Variants in MPZL1 observed in about 807,000 individuals in gnomAD.
MPZL1 encodes myelin protein zero-like protein 1.
MPZL1 carries 16 observed loss-of-function variants against 29.3 expected under a neutral mutation model. The ratio of observed to expected loss-of-function variants is 0.55; its 90% CI spans 0.37 to 0.83. The LOEUF (loss-of-function observed/expected upper bound fraction) is 0.83, where lower values mean the gene tolerates loss of function less well. MPZL1 is among the 40% of genes least tolerant of loss of function. The probability of loss-of-function intolerance (pLI) is 0.00; values close to 1 mark genes in which losing one functional copy is unlikely to be tolerated. For synonymous variants in MPZL1, 143 were observed against 132.0 expected (o/e 1.08, Z -0.57); for missense variants, 279 against 332.9 (o/e 0.84, Z 1.26).
At position 167,735,935 on chromosome 1, in the gene MPZL1, G is replaced by A. The variant is rs151043480; in HGVS notation, c.91+13693G>A. ...ATTGTAAACAATTCTATTCTTTGTTGTCTCTATTTTAGCACTTTCTCTTTA... is the reference window on the plus strand; with the variant it reads ...ATTGTAAACAATTCTATTCTTTGTTATCTCTATTTTAGCACTTTCTCTTTA... On this transcript the variant is annotated intron_variant, in intron 1 of 5. Coordinates refer to ENST00000359523, the MANE Select transcript of MPZL1 (RefSeq NM_003953.6). 1.3e-3 allele frequency among the ~76,000 whole-genome samples: 197 copies of A among 152,248 alleles called. 1 individual carries two copies. Among genetic ancestry groups the A allele is most frequent in the Middle Eastern group, 3.4e-3 (1 of 294 alleles).
At position 167,773,315 on chromosome 1, in the gene MPZL1, C is replaced by T; in HGVS notation, c.552C>T (p.Ser184=). ...AVVLGLTLLI[S]MILAVLYRRK... The stretch of plus-strand genomic sequence containing the variant: ...TCCTAGGTCTCACTCTGCTCATCAG[C>T]ATGATTCTGGCTGTCCTCTATAGAA... Residue 184 remains serine (S), a synonymous_variant, in exon 4 of 6, where the codon AGC becomes AGT. Transcript: ENST00000359523. The T allele has an allele frequency of 6.2e-7, 1 of 1,613,946 alleles. No individual in the cohort carries two copies. Among genetic ancestry groups the T allele is most frequent in the Non-Finnish European group, 8.5e-7 (1 of 1,179,828 alleles).
intron 1 of MPZL1, among the ~76,000 whole-genome samples, chr1:167,729,205 G>A (rs751545423): frequency 5.9e-5 from 9 of 151,938 alleles, no homozygotes; most frequent in Non-Finnish European, 1.0e-4. Flanking sequence ...GGGAGGCAGA[G>A]GTTGCAGTGA....
chr1:167,773,656 C>A (rs1434227235), intron 4 of MPZL1: 3 of 235,624 alleles, frequency 1.3e-5, no homozygotes, highest in Non-Finnish European at 2.4e-5. Context: ...ATCCACTATG[C>A]AATTAGTATT....
intron 1 of MPZL1, among the ~76,000 whole-genome samples, chr1:167,738,525 C>G (rs1660430220): frequency 6.6e-6 from 1 of 152,146 alleles, no homozygotes; most frequent in African/African-American, 2.4e-5. Flanking sequence ...TGTGTCCCCA[C>G]CCAAATATCA....
chr1:167,751,291 G>T (rs183646985), intron 1 of MPZL1, among the ~76,000 whole-genome samples: 2 of 152,276 alleles, frequency 1.3e-5, no homozygotes, highest in Admixed American at 1.3e-4. Flanking sequence ...CATCAAAATG[G>T]TTGTGATGTT....
chr1:167,735,110 G>T (rs1289693580), intron 1 of MPZL1, among the ~76,000 whole-genome samples: 1 of 152,202 alleles, frequency 6.6e-6, no homozygotes, highest in East Asian at 1.9e-4. Flanking sequence ...TAGTGCTCAA[G>T]CTGGGAATTT....
chr1:167,731,667 T>C (rs1660274420), intron 1 of MPZL1, among the ~76,000 whole-genome samples: 1 of 151,886 alleles, frequency 6.6e-6, no homozygotes, highest in African/African-American at 2.4e-5. Context: ...CTCGATTTCC[T>C]GACCTCGTGA....
intron 1 of MPZL1, among the ~76,000 whole-genome samples, chr1:167,758,122 C>G (rs1166080157): frequency 6.6e-6 from 1 of 151,448 alleles, no homozygotes; most frequent in Non-Finnish European, 1.5e-5. Context: ...CCACTGCACT[C>G]CAGCCTGGGC....
intron 2 of MPZL1, among the ~76,000 whole-genome samples, chr1:167,766,050 C>T (rs1402491883): frequency 6.6e-6 from 1 of 151,888 alleles, no homozygotes; most frequent in Non-Finnish European, 1.5e-5. Context: ...TTTTATTGCC[C>T]CATATTTATT....
intron 5 of MPZL1, among the ~76,000 whole-genome samples, chr1:167,779,708 C>A (rs1349937020): frequency 6.6e-6 from 1 of 151,996 alleles, no homozygotes; most frequent in Non-Finnish European, 1.5e-5. Context: ...TGGAAGAATA[C>A]TGTTGTAAGG....
chr1:167,780,464 TC>T (rs1661474305), intron 5 of MPZL1, among the ~76,000 whole-genome samples: 1 of 152,168 alleles, frequency 6.6e-6, no homozygotes, highest in Non-Finnish European at 1.5e-5. Flanking sequence ...GCAGTATTAT[TC>T]ACAAGAGCCA....
chr1:167,749,100 T>G (rs1266951250), intron 1 of MPZL1, among the ~76,000 whole-genome samples: 2 of 152,222 alleles, frequency 1.3e-5, no homozygotes, highest in Admixed American at 1.3e-4. Flanking sequence ...AGCCCTGGAA[T>G]AAATCCCAGT....
chr1:167,765,614 T>A lies in MPZL1; in HGVS notation c.123T>A (p.Tyr41Ter). ...CTGGAGTATCAGCCTTGGAAGTATATACGCCAAAAGAAATCTTCGTGGCAA... is the reference window on the plus strand; with the variant it reads ...CTGGAGTATCAGCCTTGGAAGTATAAACGCCAAAAGAAATCTTCGTGGCAA... ...LTAGVSALEV[Y>*]TPKEIFVANG... The change falls in exon 2 of 6, where the codon TAT becomes TAA. Residue 41 changes from tyrosine to a stop codon, truncating the protein, a stop_gained. Transcript: ENST00000359523. LOFTEE classifies it high-confidence loss of function. 1 of 1,613,180 alleles carries A rather than the reference T, an allele frequency of 6.2e-7. No homozygotes were observed. Among genetic ancestry groups the A allele is most frequent in the Non-Finnish European group, 8.5e-7 (1 of 1,179,558 alleles).
Position 167,722,053 on chromosome 1 carries a change from C to T in MPZL1, c.-99C>T. The T allele has an allele frequency of 1.6e-6, 2 of 1,226,874 alleles. No homozygotes were observed. Among genetic ancestry groups the T allele is most frequent in the Non-Finnish European group, 1.0e-6 (1 of 984,094 alleles). 76.0% of individuals were successfully genotyped at this position (1,226,874 alleles called of 1,614,324 possible). Reference sequence around the variant, plus strand: ...TGGAGGTGCCACCCGGCGCGGGTGGCGGAGAGATCAGAAGCCTCTTCCCCA... The same window carrying T: ...TGGAGGTGCCACCCGGCGCGGGTGGTGGAGAGATCAGAAGCCTCTTCCCCA... On this transcript the variant is annotated 5_prime_UTR_variant, in exon 1 of 6. Coordinates refer to ENST00000359523, the MANE Select transcript of MPZL1 (RefSeq NM_003953.6).
chr1:167,744,724 C>T (rs1660609419), intron 1 of MPZL1, among the ~76,000 whole-genome samples: 1 of 151,226 alleles, frequency 6.6e-6, no homozygotes, highest in African/African-American at 2.4e-5. Flanking sequence ...GCAGTTTGCC[C>T]ATTTTCTCCT....
At chr1:167,757,765 T>C (rs768726162) in intron 1 of MPZL1, among the ~76,000 whole-genome samples, 8 of 152,230 alleles carry the variant, frequency 5.3e-5, no homozygotes, top group Non-Finnish European at 1.2e-4. Context: ...AGCAGGAGTT[T>C]ATAGTGGTAA....
intron 1 of MPZL1, among the ~76,000 whole-genome samples, chr1:167,739,281 A>G (rs1456610285): frequency 1.2e-5 from 1 of 81,708 alleles, no homozygotes; most frequent in African/African-American, 9.0e-5. Context: ...ATACATATAT[A>G]CATATATATA....
At chr1:167,733,304 CA>C (rs1660306495) in intron 1 of MPZL1, among the ~76,000 whole-genome samples, 1 of 152,190 alleles carries the variant, frequency 6.6e-6, no homozygotes, top group African/African-American at 2.4e-5. Context: ...TCCCATGATC[CA>C]ATTATTCCCA....
chr1:167,783,506 A>G (rs915370270), intron 5 of MPZL1, among the ~76,000 whole-genome samples: 5 of 152,220 alleles, frequency 3.3e-5, no homozygotes, highest in Non-Finnish European at 7.3e-5. Flanking sequence ...ATTGAATGGA[A>G]TATTTATGTA....
Sources: allele counts gnomAD v4.1 joint callset (sites outside exome capture counted in the v4.1 genomes callset), GRCh38; gene constraint gnomAD v4.1.1; transcripts MANE v1.5; gene names NCBI Gene and HGNC (gene_info 2026-07-23, HGNC 2026-07-21).